The following MTA1 variants were observed in gnomAD, a reference collection of about 807,000 sequenced individuals.
MTA1 encodes metastasis associated 1, also known as metastasis-associated protein MTA1.
In MTA1, 15 loss-of-function variants were observed where a neutral mutation model predicts 97.0. The observed-to-expected ratio is 0.15, with a 90% CI of 0.10 to 0.24. MTA1 has a LOEUF of 0.24. Ranked by LOEUF, MTA1 falls within the 10% of genes least tolerant of loss-of-function variation. The probability of loss-of-function intolerance (pLI) is 1.00; values close to 1 mark genes in which losing one functional copy is unlikely to be tolerated. For synonymous variants in MTA1, 435 were observed against 417.5 expected, an observed-to-expected ratio of 1.04 and a Z score of -0.51; for missense variants, 709 against 1,015.1, an observed-to-expected ratio of 0.70 and a Z score of 4.10.
chr14:105,434,103 C>T (rs2082259821), intron 1 of MTA1, among the ~76,000 whole-genome samples: 1 of 152,216 alleles, frequency 6.6e-6, no homozygotes, highest in East Asian at 1.9e-4. Context: ...AGGTGTGAGC[C>T]ACTGCGCCTG....
In MTA1 at chr14:105,468,377, C is replaced by A. The variant is rs782622989; in HGVS notation, c.1814-1090C>A. ...AAGTAGTTTTTGTGCTACTGGCCAG[C>A]CCTGGGCGCTGGGCCTTGGCTTGTG... is the stretch of plus-strand genomic sequence containing the variant. On this transcript the variant is annotated intron_variant, in intron 18 of 20. Transcript: ENST00000331320. The A allele has an allele frequency of 7.7e-6, 10 of 1,303,678 alleles. No individual in the cohort carries two copies. In the African/African-American group the frequency reaches 9.1e-5, roughly 12 times the overall value. 80.8% of individuals were successfully genotyped at this position (1,303,678 alleles called of 1,614,324 possible).
At chr14:105,469,622 C>A in intron 19 of MTA1, 124 bp downstream of exon 19, 1 of 1,288,268 alleles carries the variant, frequency 7.8e-7, no homozygotes, top group African/African-American at 1.5e-5. Context: ...CTGGCAAGAC[C>A]AGAGGGGCTG....
At position 105,450,126 on chromosome 14, in the gene MTA1, C is replaced by G. The variant is rs782147516; in HGVS notation, c.310C>G (p.Arg104Gly). 9 of 1,613,314 alleles carry G rather than the reference C, an allele frequency of 5.6e-6. No homozygotes were observed. Among genetic ancestry groups the G allele is most frequent in the Non-Finnish European group, 6.8e-6 (8 of 1,179,898 alleles). The change falls in exon 5 of 21, where the codon CGG becomes GGG. Residue 104 changes from arginine to glycine, a missense_variant. Physicochemically the swap from Arg to Gly is moderately radical, Grantham distance 125. Transcript: ENST00000331320. ...DLPEKLKHQL[R>G]HRELFLSRQL... ...GCCCGAGAAACTAAAGCACCAGCTG[C>G]GGCATCGGGAGCTGTTCCTCTCCCG...
intron 6 of MTA1, among the ~76,000 whole-genome samples, chr14:105,453,301 G>C (rs185269168): frequency 1.3e-5 from 2 of 152,266 alleles, no homozygotes; most frequent in Non-Finnish European, 2.9e-5. Context: ...CCTGATTTCT[G>C]TTGCTCTTAA....
At chr14:105,466,222 A>G in intron 16 of MTA1, 1 of 597,418 alleles carries the variant, frequency 1.7e-6, no homozygotes, top group Admixed American at 2.9e-5. Context: ...TGGCCCGGGC[A>G]CACGCCTTGC....
chr14:105,445,269 T>G, intron 2 of MTA1, 149 bp from the exon 3 acceptor site: 16 of 654,008 alleles, frequency 2.4e-5, no homozygotes, highest in Non-Finnish European at 2.9e-5. Flanking sequence ...ATTTGCTCCA[T>G]TTGTGAAGTG....
intron 16 of MTA1, 92 bp downstream of exon 16, chr14:105,465,275 G>A (rs2083524037): frequency 8.5e-7 from 1 of 1,176,178 alleles, no homozygotes; most frequent in East Asian, 2.7e-5. Flanking sequence ...GCCTTCTCTA[G>A]CTGGGAGCTC....
At chr14:105,448,949 C>A in intron 3 of MTA1, 1 of 166,488 alleles carries the variant, frequency 6.0e-6, no homozygotes, top group Non-Finnish European at 1.3e-5. Flanking sequence ...AGCACCACTG[C>A]ACGCCCCCAT....
chr14:105,467,968 G>A (rs1172428859), intron 18 of MTA1: 4 of 287,724 alleles, frequency 1.4e-5, no homozygotes, highest in Admixed American at 4.6e-5. Flanking sequence ...CAGTGCTTGT[G>A]AGGGAGCATC....
intron 3 of MTA1, among the ~76,000 whole-genome samples, chr14:105,447,331 G>A (rs1025355894): frequency 6.6e-6 from 1 of 152,214 alleles, no homozygotes; most frequent in African/African-American, 2.4e-5. Flanking sequence ...GTTTATGGCT[G>A]GCCCAGGGTG....
intron 4 of MTA1, 31 bp from the exon 5 acceptor site, chr14:105,450,027 G>A (rs372091992): frequency 3.4e-4 from 547 of 1,613,124 alleles, no homozygotes; most frequent in Middle Eastern, 1.3e-3. Flanking sequence ...TGCGTCTGCC[G>A]CGGTGCTGAC....
At position 105,470,093 on chromosome 14, in the gene MTA1, G is replaced by A; in HGVS notation, c.2026G>A (p.Glu676Lys). 6.2e-7 allele frequency: 1 copy of A among 1,612,596 alleles called. No homozygotes were observed. Among genetic ancestry groups the A allele is most frequent in the Admixed American group, 1.7e-5 (1 of 60,016 alleles). ...GATCCGCAAGCTGCTCTCATCCTCGGAAACCAAGCGTGCTGCCCGCCGGCC... is the reference window on the plus strand; with the variant it reads ...GATCCGCAAGCTGCTCTCATCCTCGAAAACCAAGCGTGCTGCCCGCCGGCC... ...RKIRKLLSSS[E>K]TKRAARRPYK... is the part of the protein sequence containing the mutation. Residue 676 changes from glutamate to lysine, a missense_variant, in exon 21 of 21, where the codon GAA becomes AAA. Around this residue, in one of 2 missense-constraint regions of MTA1, gnomAD observed 388 missense variants for 421.6 expected, o/e 0.92. Transcript: ENST00000331320.
chr14:105,448,321 A>G (rs1437116049), intron 3 of MTA1, among the ~76,000 whole-genome samples: 1 of 152,098 alleles, frequency 6.6e-6, no homozygotes, highest in African/African-American at 2.4e-5. Context: ...GAGGAGCTGT[A>G]GGCCCACCTC....
Position 105,470,131 on chromosome 14 carries a change from C to T in MTA1, c.2064C>T (p.Ile688=), listed in dbSNP as rs199707995. The part of the protein sequence containing the change: ...KRAARRPYKP[I]ALRQSQALPP... ...CTGCCCGCCGGCCCTACAAGCCCATCGCCCTGCGCCAGAGCCAGGCCCTGC... is the reference window on the plus strand; with the variant it reads ...CTGCCCGCCGGCCCTACAAGCCCATTGCCCTGCGCCAGAGCCAGGCCCTGC... The change falls in exon 21 of 21, where the codon ATC becomes ATT. Residue 688 remains isoleucine, a synonymous_variant. Transcript: ENST00000331320. 1.5e-4 allele frequency: 246 copies of T among 1,612,310 alleles called. No individual in the cohort carries two copies. The Middle Eastern group carries it at 3.5e-3, about 23-fold the overall frequency.
intron 1 of MTA1, among the ~76,000 whole-genome samples, chr14:105,434,277 A>G (rs1555423957): frequency 6.6e-6 from 1 of 152,128 alleles, no homozygotes; most frequent in Non-Finnish European, 1.5e-5. Context: ...TTGACACCTT[A>G]TCTGTTACCA....
At chr14:105,451,573 T>C (rs1555428683) in intron 6 of MTA1, among the ~76,000 whole-genome samples, 1 of 152,166 alleles carries the variant, frequency 6.6e-6, no homozygotes, top group African/African-American at 2.4e-5. Flanking sequence ...AGGGTGAGAC[T>C]GCAGAAATGT....
rs782716744 is a variant in MTA1, at chr14:105,466,410, G to A, written c.1625-16G>A. On this transcript the variant is annotated splice_polypyrimidine_tract_variant and intron_variant, in intron 16 of 20. Coordinates refer to ENST00000331320, the MANE Select transcript of MTA1 (RefSeq NM_004689.4). ...TGGGCAGAGGCAACTCGTTCTGCCT[G>A]TGTCATTCCCGGCAGAGACCCACCC... The A allele has an allele frequency of 1.3e-6, 2 of 1,596,724 alleles. No individual in the cohort carries two copies. The highest frequency in any genetic ancestry group is 1.7e-6 in the Non-Finnish European group (2 of 1,170,298).
chr14:105,440,723 C>G (rs981663546), intron 2 of MTA1, among the ~76,000 whole-genome samples: 6 of 152,276 alleles, frequency 3.9e-5, no homozygotes, highest in African/African-American at 1.4e-4. Flanking sequence ...AGGGGCACGA[C>G]TACTCTCTTG....
At chr14:105,445,574 G>C (rs587598904) in intron 3 of MTA1, 63 bp downstream of exon 3, 1 of 1,559,560 alleles carries the variant, frequency 6.4e-7, no homozygotes, top group African/African-American at 1.4e-5. Flanking sequence ...GGGCTGGCGG[G>C]GTCCTTCTTC....
Sources: gnomAD v4.1 joint callset for allele counts (sites outside exome capture counted in the v4.1 genomes callset) on GRCh38, gnomAD v4.1.1 for gene constraint, gnomAD v4.1.1 regional missense constraint, MANE v1.5 for transcripts, NCBI Gene and HGNC (gene_info 2026-07-23, HGNC 2026-07-21) for gene names.